Variants in AKAP13 observed in about 807,000 individuals in gnomAD.
AKAP13 encodes the protein A-kinase anchor protein 13.
AKAP13 carries 80 observed loss-of-function variants against 264.5 expected under a neutral mutation model. That is an observed-to-expected ratio of 0.30 (90% confidence interval 0.25 to 0.36). The LOEUF (loss-of-function observed/expected upper bound fraction) is 0.36, where lower values mean the gene tolerates loss of function less well. AKAP13 is among the 10% of genes least tolerant of loss of function. AKAP13 has a pLI of 1.00. For missense variants in AKAP13, 3,712 were observed against 3,435.2 expected, an observed-to-expected ratio of 1.08 and a Z score of -2.01; for synonymous variants, 1,380 against 1,250.2, an observed-to-expected ratio of 1.10 and a Z score of -2.19.
intron 2 of AKAP13, among the ~76,000 whole-genome samples, chr15:85,518,579 C>G (rs2076693322): frequency 6.6e-6 from 1 of 152,224 alleles, no homozygotes; most frequent in African/African-American, 2.4e-5. Context: ...TGCCTGTAAT[C>G]TCAACATTTT....
intron 19 of AKAP13, among the ~76,000 whole-genome samples, chr15:85,713,188 G>A (rs1379616786): frequency 2.0e-5 from 3 of 152,062 alleles, no homozygotes; most frequent in Admixed American, 1.3e-4. Flanking sequence ...TTACAAATAA[G>A]GAAAGCTGTT....
intron 9 of AKAP13, among the ~76,000 whole-genome samples, chr15:85,643,556 T>C (rs548033296): frequency 7.9e-5 from 12 of 152,318 alleles, no homozygotes; most frequent in African/African-American, 2.9e-4. Context: ...AAAGGAGACG[T>C]TGGAAGTTAT....
At chr15:85,521,154 C>T (rs1165089848) in intron 2 of AKAP13, among the ~76,000 whole-genome samples, 2 of 152,166 alleles carry the variant, frequency 1.3e-5, no homozygotes, top group Non-Finnish European at 2.9e-5. Context: ...TTTCCTTCAT[C>T]TTGTTGATTA....
chr15:85,727,000 G>A, intron 27 of AKAP13, 66 bp from the exon 28 acceptor site: 1 of 1,571,084 alleles, frequency 6.4e-7, no homozygotes. Flanking sequence ...ACCTTAGATT[G>A]AAGCTGTCCT....
At chr15:85,598,384 A>G (rs1200285659) in intron 8 of AKAP13, among the ~76,000 whole-genome samples, 1 of 152,156 alleles carries the variant, frequency 6.6e-6, no homozygotes, top group Non-Finnish European at 1.5e-5. Flanking sequence ...TTTTTCTCTC[A>G]TTCCACCCCG....
At position 85,486,127 on chromosome 15, in the gene AKAP13, C is replaced by G. The variant is rs145250419; in HGVS notation, c.33+374C>G. The stretch of plus-strand genomic sequence containing the variant: ...CACTGTGATTTACCTTATGTTGCCA[C>G]TAGGTGGCACTATGTCATTGGCAAG... On this transcript the variant is annotated intron_variant, in intron 2 of 36. Coordinates refer to ENST00000394518, the MANE Select transcript of AKAP13 (RefSeq NM_007200.5). Among the ~76,000 whole-genome samples the G allele has an allele frequency of 1.9e-4, 29 of 152,368 alleles. 1 individual carries two copies. The East Asian group carries it at 5.6e-3, about 29-fold the overall frequency.
intron 1 of AKAP13, among the ~76,000 whole-genome samples, chr15:85,388,244 C>T (rs1230753498): frequency 6.6e-6 from 1 of 151,596 alleles, no homozygotes; most frequent in Non-Finnish European, 1.5e-5. Flanking sequence ...TGGGTTTCAC[C>T]ATGTTGGCCA....
Position 85,430,426 on chromosome 15 carries a change from C to A in AKAP13, c.-12+49628C>A, listed in dbSNP as rs544626017. ...ACACTGTTAGCTGAATAGAAATAAG[C>A]TGACACTTTCTCTTCAATTGTAGAG... is the stretch of plus-strand genomic sequence containing the variant. On this transcript the variant is annotated intron_variant, in intron 1 of 36. Transcript: ENST00000394518. Among the ~76,000 whole-genome samples the A allele has an allele frequency of 2.0e-5, 3 of 152,292 alleles. No individual in the cohort carries two copies. The South Asian group carries it at 6.2e-4, about 32-fold the overall frequency.
At position 85,579,308 on chromosome 15, in the gene AKAP13, G is replaced by C; in HGVS notation, c.1240G>C (p.Gly414Arg). 6.2e-7 allele frequency: 1 copy of C among 1,614,220 alleles called. No individual in the cohort carries two copies. The highest frequency in any genetic ancestry group is 8.5e-7 in the Non-Finnish European group (1 of 1,180,032). The stretch of plus-strand genomic sequence containing the variant: ...TGATTGTGGAGTAAAGGGCACGGAA[G>C]GCCTTTCGTCCTGTGGAAACAGAAA... ...LPDCGVKGTE[G>R]LSSCGNRNEE... Residue 414 changes from glycine (G) to arginine (R), a missense_variant, in exon 7 of 37, where the codon GGC (glycine) becomes CGC (arginine). Around this residue, in one of 3 missense-constraint regions of AKAP13, gnomAD observed 2,759 missense variants for 2,411.7 expected, o/e 1.14. Transcript: ENST00000394518.
At chr15:85,562,142 C>G (rs1291308184) in intron 5 of AKAP13, among the ~76,000 whole-genome samples, 1 of 152,052 alleles carries the variant, frequency 6.6e-6, no homozygotes, top group Non-Finnish European at 1.5e-5. Context: ...TGATGTGTAC[C>G]AAATGCACAG....
chr15:85,495,166 A>G (rs916171595), intron 2 of AKAP13, among the ~76,000 whole-genome samples: 1 of 152,228 alleles, frequency 6.6e-6, no homozygotes, highest in Non-Finnish European at 1.5e-5. Context: ...GTTACACATT[A>G]GCTCTGGATC....
intron 8 of AKAP13, among the ~76,000 whole-genome samples, chr15:85,597,404 CCT>C (rs2079865932): frequency 1.3e-5 from 2 of 152,122 alleles, no homozygotes; most frequent in Non-Finnish European, 2.9e-5. Context: ...ACACTGGAAA[CCT>C]CTCCAGTGTT....
At chr15:85,574,155 C>T (rs1451570062) in intron 5 of AKAP13, among the ~76,000 whole-genome samples, 4 of 152,192 alleles carry the variant, frequency 2.6e-5, no homozygotes, top group African/African-American at 7.2e-5. Flanking sequence ...CAGACATTTA[C>T]ATTTGTGCTG....
chr15:85,540,473 A>AGTGG (rs2077548396), intron 4 of AKAP13, among the ~76,000 whole-genome samples: 1 of 152,226 alleles, frequency 6.6e-6, no homozygotes, highest in African/African-American at 2.4e-5. Context: ...AGCCATCCAC[A>AGTGG]ATCCTAAAGC....
chr15:85,746,582 C>T lies in AKAP13; in HGVS notation c.*1905C>T, dbSNP rs1460682554. ...TTTTTCTGTCATGGAGAATACTCAC[C>T]CTTCAGAAACAGACCAAAGGCCAAA... On this transcript the variant is annotated 3_prime_UTR_variant, in exon 37 of 37. Transcript: ENST00000394518. The T allele has an allele frequency of 6.6e-6, 1 of 152,112 alleles. No individual in the cohort carries two copies. Among genetic ancestry groups the T allele is most frequent in the African/African-American group, 2.4e-5 (1 of 41,420 alleles). 9.4% of individuals were successfully genotyped at this position (152,112 alleles called of 1,614,324 possible). A position where few individuals can be genotyped will look rare whatever the true frequency, so the allele number is the denominator to read the frequency against.
chr15:85,603,121 A>G (rs1470960669), intron 8 of AKAP13, among the ~76,000 whole-genome samples: 1 of 152,246 alleles, frequency 6.6e-6, no homozygotes, highest in Non-Finnish European at 1.5e-5. Context: ...CTGAATAACC[A>G]TTATTTGTCA....
At chr15:85,571,782 C>T (rs879386867) in intron 5 of AKAP13, among the ~76,000 whole-genome samples, 3 of 152,204 alleles carry the variant, frequency 2.0e-5, no homozygotes, top group African/African-American at 7.2e-5. Context: ...GATGATGGGA[C>T]TTACCCAGAC....
chr15:85,381,356 G>C (rs1595986613), intron 1 of AKAP13, among the ~76,000 whole-genome samples: 1 of 152,146 alleles, frequency 6.6e-6, no homozygotes, highest in South Asian at 2.1e-4. Context: ...CGGCTTCTCG[G>C]GGGTGCGGCC....
intron 8 of AKAP13, chr15:85,624,778 A>G (rs2081339752): frequency 6.6e-6 from 1 of 152,266 alleles, no homozygotes; most frequent in South Asian, 2.1e-4. Flanking sequence ...AGAAACAAAG[A>G]CAATTCCCTC....
Sources: allele counts gnomAD v4.1 joint callset (sites outside exome capture counted in the v4.1 genomes callset), GRCh38; gene constraint gnomAD v4.1.1; regional missense constraint gnomAD v4.1.1; transcripts MANE v1.5; gene names NCBI Gene and HGNC (gene_info 2026-07-23, HGNC 2026-07-21).